Variants in CCDC148 observed in about 807,000 individuals in gnomAD.
The protein encoded by CCDC148 is coiled-coil domain-containing protein 148.
Under a neutral mutation model 85.7 loss-of-function variants are expected in CCDC148, and 89 were observed. The observed-to-expected ratio is 1.04, with a 90% CI of 0.87 to 1.24. The LOEUF is 1.24. Among genes scored for constraint, CCDC148 ranks in the 50% most tolerant of loss-of-function variants. The pLI is 0.00. For missense variants in CCDC148, 692 were observed against 671.7 expected, an observed-to-expected ratio of 1.03 and a Z score of -0.33; for synonymous variants, 230 against 213.9, an observed-to-expected ratio of 1.08 and a Z score of -0.66.
At chr2:158,335,933 T>C (rs10182401) in intron 7 of CCDC148, among the ~76,000 whole-genome samples, 25,592 of 151,938 alleles carry the variant, frequency 0.17, 3,481 homozygotes, top group African/African-American at 0.38. Context: ...CGAGCTACTA[T>C]AAAATAGGAA....
At chr2:158,315,273 T>C (rs1012629254) in intron 7 of CCDC148, among the ~76,000 whole-genome samples, 3 of 152,210 alleles carry the variant, frequency 2.0e-5, no homozygotes, top group African/African-American at 4.8e-5. Flanking sequence ...CTGAGTAAAC[T>C]TGGCATTTAA....
chr2:158,186,555 A>G (rs1384905072), intron 11 of CCDC148, among the ~76,000 whole-genome samples: 1 of 151,984 alleles, frequency 6.6e-6, no homozygotes, highest in African/African-American at 2.4e-5. Flanking sequence ...TTAATAACCA[A>G]CCACCTTCCA....
intron 7 of CCDC148, among the ~76,000 whole-genome samples, chr2:158,321,991 A>C (rs1353165793): frequency 6.6e-6 from 1 of 152,200 alleles, no homozygotes; most frequent in Non-Finnish European, 1.5e-5. Flanking sequence ...ACATGACGGC[A>C]ATCTCCAATG....
rs1687472164 is a variant in CCDC148 at position 158,225,647 on chromosome 2, A to G, written c.1252-4934T>C. Among the ~76,000 whole-genome samples, 3 of 152,270 alleles carry G rather than the reference A, an allele frequency of 2.0e-5. No individual in the cohort carries two copies. In the South Asian group the frequency reaches 6.2e-4, roughly 31 times the overall value. On this transcript the variant is annotated intron_variant, in intron 10 of 13. Coordinates refer to ENST00000283233, the MANE Select transcript of CCDC148 (RefSeq NM_138803.4). ...AATCAAACTAGAACTCGGGATTAAG[A>G]AACTCACTCAAAACTGCTCAACTAC...
At chr2:158,335,352 A>G (rs1050475796) in intron 7 of CCDC148, among the ~76,000 whole-genome samples, 5 of 152,172 alleles carry the variant, frequency 3.3e-5, no homozygotes, top group African/African-American at 9.7e-5. Flanking sequence ...TGCTTCCTCC[A>G]TCAATCCTCC....
chr2:158,212,579 T>C (rs961230388), intron 11 of CCDC148, among the ~76,000 whole-genome samples: 3 of 152,134 alleles, frequency 2.0e-5, no homozygotes, highest in Admixed American at 1.3e-4. Flanking sequence ...CTCTAGTCTC[T>C]TCCTTCCCAA....
At chr2:158,223,653 G>T (rs766027782) in intron 10 of CCDC148, among the ~76,000 whole-genome samples, 4 of 152,122 alleles carry the variant, frequency 2.6e-5, no homozygotes, top group Non-Finnish European at 4.4e-5. Context: ...AGCAACATTT[G>T]CTGTTCACCA....
intron 1 of CCDC148, among the ~76,000 whole-genome samples, chr2:158,404,734 C>G (rs1574762870): frequency 6.6e-6 from 1 of 152,026 alleles, no homozygotes; most frequent in Non-Finnish European, 1.5e-5. Flanking sequence ...AATCATCAAG[C>G]CAGGAAGGCA....
intron 8 of CCDC148, among the ~76,000 whole-genome samples, chr2:158,310,415 C>T (rs1207650808): frequency 6.6e-6 from 1 of 152,248 alleles, no homozygotes; most frequent in Non-Finnish European, 1.5e-5. Context: ...CTCATCATGG[C>T]CCGTTCTCAA....
intron 11 of CCDC148, among the ~76,000 whole-genome samples, chr2:158,209,781 C>A (rs1686456275): frequency 6.6e-6 from 1 of 152,156 alleles, no homozygotes; most frequent in Non-Finnish European, 1.5e-5. Context: ...TCTGTCACCA[C>A]CAGGCCTGCC....
chr2:158,374,280 C>G (rs1402918388), intron 1 of CCDC148, among the ~76,000 whole-genome samples: 1 of 152,056 alleles, frequency 6.6e-6, no homozygotes, highest in Non-Finnish European at 1.5e-5. Flanking sequence ...TCATAGCACA[C>G]AACCCCCGCA....
intron 1 of CCDC148, among the ~76,000 whole-genome samples, chr2:158,387,583 A>G (rs1685143378): frequency 6.6e-6 from 1 of 152,114 alleles, no homozygotes; most frequent in Non-Finnish European, 1.5e-5. Context: ...CACATGAGCT[A>G]CAATATTCCA....
At chr2:158,328,571 T>A (rs1380199668) in intron 7 of CCDC148, among the ~76,000 whole-genome samples, 2 of 152,194 alleles carry the variant, frequency 1.3e-5, no homozygotes, top group South Asian at 2.1e-4. Context: ...TAGTTCTAGA[T>A]CCCTGAGGAA....
chr2:158,401,175 AT>A (rs1378512027), intron 1 of CCDC148, among the ~76,000 whole-genome samples: 1 of 152,216 alleles, frequency 6.6e-6, no homozygotes, highest in East Asian at 1.9e-4. Flanking sequence ...TAGAAATACC[AT>A]TTGACCCAGC....
At chr2:158,243,216 C>T (rs1688425211) in intron 10 of CCDC148, among the ~76,000 whole-genome samples, 1 of 152,088 alleles carries the variant, frequency 6.6e-6, no homozygotes, top group Admixed American at 6.6e-5. Flanking sequence ...CCACAGGGGC[C>T]AGCCACAGTC....
chr2:158,301,510 A>C (rs762413517), intron 9 of CCDC148, among the ~76,000 whole-genome samples: 3 of 152,218 alleles, frequency 2.0e-5, no homozygotes, highest in Non-Finnish European at 2.9e-5. Flanking sequence ...ATGGGAATAG[A>C]GATCTGAGAG....
chr2:158,211,321 C>T (rs989574116), intron 11 of CCDC148, among the ~76,000 whole-genome samples: 6 of 152,150 alleles, frequency 3.9e-5, no homozygotes, highest in African/African-American at 7.2e-5. Flanking sequence ...AAAAAGATCA[C>T]AGCACCTAGA....
At chr2:158,323,663 G>A (rs766116892) in intron 7 of CCDC148, among the ~76,000 whole-genome samples, 1 of 152,068 alleles carries the variant, frequency 6.6e-6, no homozygotes, top group African/African-American at 2.4e-5. Flanking sequence ...CATTTACCAT[G>A]TCAGAGACTT....
At chr2:158,177,778 A>G (rs182225986) in intron 12 of CCDC148, among the ~76,000 whole-genome samples, 1 of 152,252 alleles carries the variant, frequency 6.6e-6, no homozygotes, top group Non-Finnish European at 1.5e-5. Flanking sequence ...GTATGCATTT[A>G]TGCCACATCT....
Sources: allele counts gnomAD v4.1 joint callset (sites outside exome capture counted in the v4.1 genomes callset), GRCh38; gene constraint gnomAD v4.1.1; transcripts MANE v1.5; gene names NCBI Gene and HGNC (gene_info 2026-07-23, HGNC 2026-07-21).